The following CLSTN2 variants were observed in gnomAD, a reference collection of about 807,000 sequenced individuals.
CLSTN2 encodes the protein calsyntenin 2, also known as calsyntenin-2.
A neutral mutation model predicts 101.2 loss-of-function variants in CLSTN2; 48 were observed. That is an observed-to-expected ratio of 0.47 (90% CI 0.38 to 0.60). CLSTN2 has a LOEUF of 0.60. CLSTN2 is among the 20% of genes least tolerant of loss of function. The pLI is 0.00. For synonymous variants in CLSTN2, 481 were observed against 463.6 expected, an observed-to-expected ratio of 1.04 and a Z score of -0.48; for missense variants, 1,160 against 1,238.2, an observed-to-expected ratio of 0.94 and a Z score of 0.95.
At chr3:140,300,433 G>T (rs2087046886) in intron 2 of CLSTN2, among the ~76,000 whole-genome samples, 1 of 152,064 alleles carries the variant, frequency 6.6e-6, no homozygotes, top group Non-Finnish European at 1.5e-5. Flanking sequence ...CCTTTCTTTG[G>T]CATTGAGAAT....
chr3:139,942,055 G>T (rs1367601074), intron 1 of CLSTN2, among the ~76,000 whole-genome samples: 1 of 152,160 alleles, frequency 6.6e-6, no homozygotes, highest in Non-Finnish European at 1.5e-5. Flanking sequence ...GTAGGCATGG[G>T]TTCCCCTCTT....
At chr3:140,130,112 A>C (rs1285206148) in intron 1 of CLSTN2, among the ~76,000 whole-genome samples, 1 of 152,034 alleles carries the variant, frequency 6.6e-6, no homozygotes, top group African/African-American at 2.4e-5. Flanking sequence ...AGCCTCTAAC[A>C]CTGGTTTCTA....
rs1933504212 is a variant in CLSTN2 at position 140,459,523 on chromosome 3, G to T, written c.976G>T (p.Ala326Ser). 18 of 1,613,638 alleles carry T rather than the reference G, an allele frequency of 1.1e-5. No homozygotes were observed. The highest frequency in any genetic ancestry group is 1.4e-5 in the Non-Finnish European group (17 of 1,179,728). ...CTTTCTTTCCTGACCCTCTGCAGGA[G>T]CCTCCTCTGGCATCATTGACCTCTT... Reference protein sequence around the residue: ...SEKSLQKLCGASSGIIDLLPS... With the variant: ...SEKSLQKLCGSSSGIIDLLPS... The change falls in exon 7 of 17, where the codon GCC becomes TCC. Residue 326 changes from alanine to serine, a missense_variant and splice_region_variant. Physicochemically the swap from Ala to Ser is moderately conservative, Grantham distance 99 (BLOSUM62 1). Coordinates refer to ENST00000458420, the MANE Select transcript of CLSTN2 (RefSeq NM_022131.3).
chr3:140,400,839 G>C (rs895763436), intron 2 of CLSTN2, among the ~76,000 whole-genome samples: 1 of 152,194 alleles, frequency 6.6e-6, no homozygotes, highest in Non-Finnish European at 1.5e-5. Context: ...GCCACACTGG[G>C]CCTGCGGTCC....
chr3:139,990,929 A>C lies in CLSTN2; in HGVS notation c.109+55446A>C, dbSNP rs1363164584. Among the ~76,000 whole-genome samples the C allele has an allele frequency of 2.6e-5, 4 of 152,374 alleles. No homozygotes were observed. The East Asian group carries it at 7.7e-4, about 29-fold the overall frequency. ...CTTCATTTTAATATTGTCTTAAAGA[A>C]TAGCTAGCATAGCCAGCTCATTATA... On this transcript the variant is annotated intron_variant, in intron 1 of 16. Coordinates refer to ENST00000458420, the MANE Select transcript of CLSTN2 (RefSeq NM_022131.3).
chr3:140,147,361 G>A (rs553617556), intron 1 of CLSTN2, among the ~76,000 whole-genome samples: 4 of 152,102 alleles, frequency 2.6e-5, no homozygotes, highest in Admixed American at 1.3e-4. Flanking sequence ...CCTTGCTTTC[G>A]GGAATGTCAG....
chr3:140,298,919 C>A (rs1483142829), intron 2 of CLSTN2, among the ~76,000 whole-genome samples: 1 of 152,120 alleles, frequency 6.6e-6, no homozygotes. Flanking sequence ...ATCTGAGATC[C>A]GGGAATAGGC....
At chr3:140,121,140 T>TC (rs2009333552) in intron 1 of CLSTN2, among the ~76,000 whole-genome samples, 4 of 152,148 alleles carry the variant, frequency 2.6e-5, no homozygotes, top group African/African-American at 9.7e-5. Flanking sequence ...AGTGAGATAT[T>TC]ACCACCCCTG....
In CLSTN2 at chr3:140,153,727, G is replaced by A. The variant is rs1329962367; in HGVS notation, c.110-22224G>A. ...GCACAATAATGAGAGCCTTGATGTGGGGAATGTCTGAGCTTGCTCCACCTC... is the reference window on the plus strand; with the variant it reads ...GCACAATAATGAGAGCCTTGATGTGAGGAATGTCTGAGCTTGCTCCACCTC... On this transcript the variant is annotated intron_variant, in intron 1 of 16. Transcript: ENST00000458420. Among the ~76,000 whole-genome samples, 3 of 152,204 alleles carry A rather than the reference G, an allele frequency of 2.0e-5. No homozygotes were observed. The South Asian group carries it at 6.2e-4, about 31-fold the overall frequency.
chr3:140,222,121 G>A (rs777488099), intron 2 of CLSTN2, among the ~76,000 whole-genome samples: 2 of 151,748 alleles, frequency 1.3e-5, no homozygotes, highest in Non-Finnish European at 2.9e-5. Flanking sequence ...TATACAAAAC[G>A]GGGTGCTGGT....
chr3:140,028,555 G>A (rs1328240427), intron 1 of CLSTN2, among the ~76,000 whole-genome samples: 1 of 152,120 alleles, frequency 6.6e-6, no homozygotes, highest in Non-Finnish European at 1.5e-5. Context: ...CAAATACAAC[G>A]ATCGGAAAAG....
At chr3:140,518,593 G>A (rs1206911496) in intron 8 of CLSTN2, among the ~76,000 whole-genome samples, 2 of 152,192 alleles carry the variant, frequency 1.3e-5, no homozygotes, top group African/African-American at 2.4e-5. Context: ...CCCAGTAAGG[G>A]TGTAAATCCA....
intron 2 of CLSTN2, among the ~76,000 whole-genome samples, chr3:140,200,126 T>G (rs1354556009): frequency 6.6e-6 from 1 of 152,162 alleles, no homozygotes; most frequent in African/African-American, 2.4e-5. Flanking sequence ...CCTGGGAACT[T>G]TGTTCTAGGC....
chr3:140,090,763 G>A (rs1421235403), intron 1 of CLSTN2, among the ~76,000 whole-genome samples: 1 of 152,160 alleles, frequency 6.6e-6, no homozygotes, highest in African/African-American at 2.4e-5. Flanking sequence ...TGAAGTTTCT[G>A]AAGTGAGGAA....
chr3:140,304,323 A>G (rs1032769063), intron 2 of CLSTN2, among the ~76,000 whole-genome samples: 41 of 152,192 alleles, frequency 2.7e-4, no homozygotes, highest in Non-Finnish European at 8.8e-5. Context: ...ACAAAATACA[A>G]TAGACTAGGT....
chr3:140,560,986 TATA>T (rs1422442037), intron 12 of CLSTN2, among the ~76,000 whole-genome samples: 5 of 151,712 alleles, frequency 3.3e-5, no homozygotes, highest in African/African-American at 1.2e-4. Flanking sequence ...AGAAATTATT[TATA>T]ATAATATATA....
intron 2 of CLSTN2, among the ~76,000 whole-genome samples, chr3:140,226,902 G>A (rs141023701): frequency 6.6e-6 from 1 of 152,256 alleles, no homozygotes; most frequent in African/African-American, 2.4e-5. Flanking sequence ...TCACTATCAT[G>A]AGAACAGTGC....
intron 1 of CLSTN2, among the ~76,000 whole-genome samples, chr3:140,047,459 T>C (rs1419577803): frequency 1.3e-5 from 2 of 152,200 alleles, no homozygotes; most frequent in Admixed American, 1.3e-4. Context: ...GTGCTTTTTA[T>C]TTATATAATA....
intron 2 of CLSTN2, among the ~76,000 whole-genome samples, chr3:140,306,885 AT>A (rs2087119325): frequency 7.8e-6 from 1 of 127,458 alleles, no homozygotes; most frequent in Non-Finnish European, 1.7e-5. Flanking sequence ...ATTATTATTT[AT>A]TTTTTCTTCT....
Sources: gnomAD v4.1 joint callset for allele counts (sites outside exome capture counted in the v4.1 genomes callset) on GRCh38, gnomAD v4.1.1 for gene constraint, MANE v1.5 for transcripts, NCBI Gene and HGNC (gene_info 2026-07-23, HGNC 2026-07-21) for gene names.